Variants in C2CD3 observed in about 807,000 individuals in gnomAD.
C2CD3 encodes the protein C2 domain containing 3 centriole elongation regulator, also known as C2 domain-containing protein 3.
Under a neutral mutation model 234.0 loss-of-function variants are expected in C2CD3, and 148 were observed. The ratio of observed to expected loss-of-function variants is 0.63; its 90% CI spans 0.55 to 0.72. C2CD3 has a LOEUF of 0.72. Ranked by LOEUF, C2CD3 falls within the 30% of genes least tolerant of loss-of-function variation. The probability of loss-of-function intolerance (pLI) is 0.00; values close to 1 mark genes in which losing one functional copy is unlikely to be tolerated. For synonymous variants in C2CD3, 1,000 were observed against 1,035.4 expected, an observed-to-expected ratio of 0.97 and a Z score of 0.66; for missense variants, 2,577 against 2,811.5, an observed-to-expected ratio of 0.92 and a Z score of 1.89.
intron 11 of C2CD3, among the ~76,000 whole-genome samples, chr11:74,111,352 AG>A (rs1207527857): frequency 1.3e-5 from 2 of 152,212 alleles, no homozygotes; most frequent in African/African-American, 4.8e-5. Flanking sequence ...ATATGATGCC[AG>A]AGTGGAAAAT....
intron 27 of C2CD3, among the ~76,000 whole-genome samples, 181 bp from the exon 28 acceptor site, chr11:74,048,519 T>C (rs566118217): frequency 2.6e-4 from 40 of 152,378 alleles, no homozygotes; most frequent in Non-Finnish European, 5.3e-4. Flanking sequence ...AGGCAACTAT[T>C]ATTATTATAC....
intron 32 of C2CD3, 53 bp downstream of exon 32, chr11:74,028,234 T>A (rs1369462564): frequency 7.7e-7 from 1 of 1,292,714 alleles, no homozygotes; most frequent in Non-Finnish European, 1.1e-6. Flanking sequence ...TGCACACTTC[T>A]GTGGAAGAGA....
chr11:74,057,217 C>T (rs1417284002), intron 25 of C2CD3, among the ~76,000 whole-genome samples, 189 bp downstream of exon 25: 1 of 152,178 alleles, frequency 6.6e-6, no homozygotes, highest in Non-Finnish European at 1.5e-5. Context: ...GTTAAAAACA[C>T]TAAAACAAAA....
At chr11:74,023,737 T>G (rs187797368) in intron 32 of C2CD3, among the ~76,000 whole-genome samples, 1 of 152,256 alleles carries the variant, frequency 6.6e-6, no homozygotes, top group Admixed American at 6.5e-5. Context: ...CATAGAAAGC[T>G]GCAGCCTTCC....
intron 32 of C2CD3, among the ~76,000 whole-genome samples, chr11:74,016,270 A>G (rs987901246): frequency 1.3e-5 from 2 of 152,202 alleles, no homozygotes; most frequent in African/African-American, 4.8e-5. Flanking sequence ...CACTGAGAAA[A>G]TAGCAATTAG....
intron 3 of C2CD3, among the ~76,000 whole-genome samples, chr11:74,154,827 GC>G (rs1330506139): frequency 6.6e-6 from 1 of 152,086 alleles, no homozygotes; most frequent in Admixed American, 6.6e-5. Flanking sequence ...TAGCCAAAAA[GC>G]CCATGAAAAA....
At chr11:74,050,181 G>T (rs1049662467) in intron 26 of C2CD3, among the ~76,000 whole-genome samples, 2 of 152,118 alleles carry the variant, frequency 1.3e-5, no homozygotes, top group Non-Finnish European at 2.9e-5. Flanking sequence ...AGTATGTCTT[G>T]CAATTATGGA....
chr11:74,054,032 G>A (rs1347178093), intron 26 of C2CD3, among the ~76,000 whole-genome samples: 1 of 152,100 alleles, frequency 6.6e-6, no homozygotes, highest in African/African-American at 2.4e-5. Context: ...CAGCACTTTG[G>A]GAGGCCGAGG....
At chr11:74,139,024 T>C in intron 4 of C2CD3, 57 bp from the exon 5 acceptor site, 9 of 1,452,234 alleles carry the variant, frequency 6.2e-6, no homozygotes, top group Non-Finnish European at 8.5e-6. Flanking sequence ...GGTAACATTC[T>C]ATTTTGTCAG....
chr11:74,093,554 A>G (rs1456615179), intron 18 of C2CD3, among the ~76,000 whole-genome samples: 1 of 152,056 alleles, frequency 6.6e-6, no homozygotes, highest in African/African-American at 2.4e-5. Context: ...TTTAATACAT[A>G]ATAGGAGGTA....
In C2CD3 at chr11:74,042,122, G is replaced by A. The variant is rs376040287; in HGVS notation, c.5592C>T (p.Pro1864=). The change falls in exon 29 of 33, where the codon CCC becomes CCT. Residue 1864 remains proline (P), a synonymous_variant. Transcript: ENST00000334126. ...HESLHLQGEA[P]LPCDDKLTTS... is the part of the protein sequence containing the mutation. ...TGGTCAGTTTGTCATCACATGGCAA[G>A]GGTGCCTCTCCCTGAAGATGCAGGG... The A allele has an allele frequency of 6.2e-7, 1 of 1,613,862 alleles. No homozygotes were observed. Among genetic ancestry groups the A allele is most frequent in the East Asian group, 2.2e-5 (1 of 44,886 alleles).
rs535300037 is a variant in C2CD3, at chr11:74,138,806, T to C, written c.869A>G (p.Gln290Arg). Residue 290 changes from glutamine to arginine, a missense_variant, in exon 5 of 33, where the codon CAG becomes CGG. Physicochemically the swap from Gln to Arg is conservative, Grantham distance 43. Transcript: ENST00000334126. ...CTTGGCAACTGTTCTAATTTGAGGC[T>C]GGAATTCAGAACTGTTCAGAAGGGA... ...QMSLLNSSEF[Q>R]PQIRTVAKSH... 22 of 1,613,674 alleles carry C rather than the reference T, an allele frequency of 1.4e-5. No homozygotes were observed. In the Admixed American group the frequency reaches 3.0e-4, roughly 22 times the overall value.
chr11:74,105,914 T>C (rs1956499115), intron 13 of C2CD3, among the ~76,000 whole-genome samples: 1 of 152,198 alleles, frequency 6.6e-6, no homozygotes, highest in South Asian at 2.1e-4. Context: ...GGCTAAAATC[T>C]AAACTCTTTA....
chr11:74,166,618 T>C (rs1280426942), intron 2 of C2CD3, among the ~76,000 whole-genome samples: 1 of 152,210 alleles, frequency 6.6e-6, no homozygotes, highest in African/African-American at 2.4e-5. Context: ...AGAATATTCA[T>C]ATGATATTAC....
intron 11 of C2CD3, among the ~76,000 whole-genome samples, chr11:74,110,044 G>A (rs2135505189): frequency 6.6e-6 from 1 of 151,814 alleles, no homozygotes; most frequent in East Asian, 1.9e-4. Flanking sequence ...GCACACCACT[G>A]CACTCCAGCC....
intron 30 of C2CD3, chr11:74,036,340 C>T: frequency 2.4e-6 from 1 of 415,742 alleles, no homozygotes; most frequent in South Asian, 1.7e-5. Context: ...CTGTCATATC[C>T]ACCACTGTAT....
intron 25 of C2CD3, 40 bp from the exon 26 acceptor site, chr11:74,054,711 A>G: frequency 1.5e-6 from 2 of 1,365,490 alleles, no homozygotes; most frequent in Non-Finnish European, 2.1e-6. Context: ...AATGTATAGG[A>G]ACTTTCTGTA....
chr11:74,073,352 T>C lies in C2CD3; in HGVS notation c.4951+901A>G, dbSNP rs1274784780. 2.0e-5 allele frequency among the ~76,000 whole-genome samples: 3 copies of C among 152,238 alleles called. No individual in the cohort carries two copies. The East Asian group carries it at 5.8e-4, about 29-fold the overall frequency. On this transcript the variant is annotated intron_variant, in intron 24 of 32. Coordinates refer to ENST00000334126, the MANE Select transcript of C2CD3 (RefSeq NM_001286577.2). ...CTGTACTCCCAGCACTTTGAGAGGC[T>C]GAGGTGGGTGGATCACTTGCGGTCA... is the stretch of plus-strand genomic sequence containing the variant.
At chr11:74,164,153 T>G in intron 2 of C2CD3, 1 of 970,076 alleles carries the variant, frequency 1.0e-6, no homozygotes, top group Non-Finnish European at 1.2e-6. Flanking sequence ...ACTTCTGACC[T>G]TTATACTTCA....
Sources: gnomAD v4.1 joint callset for allele counts (sites outside exome capture counted in the v4.1 genomes callset) on GRCh38, gnomAD v4.1.1 for gene constraint, MANE v1.5 for transcripts, NCBI Gene and HGNC (gene_info 2026-07-23, HGNC 2026-07-21) for gene names.